Variants in LRP1B observed in about 807,000 individuals in gnomAD.
The protein encoded by LRP1B is low-density lipoprotein receptor-related protein 1B.
LRP1B carries 217 observed loss-of-function variants against 556.6 expected under a neutral mutation model. The observed-to-expected ratio is 0.39, with a 90% CI of 0.35 to 0.44. The LOEUF is 0.44. Among genes scored for constraint, LRP1B ranks in the 20% least tolerant of loss-of-function variants. The probability of loss-of-function intolerance (pLI) is 1.00; values close to 1 mark genes in which losing one functional copy is unlikely to be tolerated. For missense variants in LRP1B, 5,053 were observed against 5,620.8 expected (o/e 0.90, Z 3.23); for synonymous variants, 2,047 against 1,865.8 (o/e 1.10, Z -2.50).
intron 77 of LRP1B, among the ~76,000 whole-genome samples, chr2:140,344,907 A>G (rs1681574683): frequency 2.6e-5 from 4 of 151,864 alleles, no homozygotes; most frequent in African/African-American, 9.6e-5. Context: ...GAGGGGAAAA[A>G]AAGAAATGTT....
intron 84 of LRP1B, among the ~76,000 whole-genome samples, chr2:140,286,418 C>G (rs895193998): frequency 6.6e-6 from 1 of 151,742 alleles, no homozygotes; most frequent in African/African-American, 2.4e-5. Flanking sequence ...ATGAGAGAGC[C>G]CTTGGACATC....
intron 21 of LRP1B, among the ~76,000 whole-genome samples, chr2:140,914,402 T>C (rs1057487701): frequency 2.6e-5 from 4 of 152,146 alleles, no homozygotes; most frequent in African/African-American, 4.8e-5. Flanking sequence ...AATCTGAGCA[T>C]ACAGGGGATT....
At chr2:141,309,792 T>C (rs542785676) in intron 3 of LRP1B, among the ~76,000 whole-genome samples, 1 of 152,070 alleles carries the variant, frequency 6.6e-6, no homozygotes, top group Admixed American at 6.6e-5. Context: ...GGTATAACTA[T>C]GTAACAAACC....
chr2:141,960,581 T>C (rs1701376008), intron 1 of LRP1B, among the ~76,000 whole-genome samples: 1 of 151,904 alleles, frequency 6.6e-6, no homozygotes, highest in African/African-American at 2.4e-5. Flanking sequence ...ACCCATTATT[T>C]GCATCTTCTA....
chr2:141,363,105 C>A (rs1205617345), intron 3 of LRP1B, among the ~76,000 whole-genome samples: 13 of 152,118 alleles, frequency 8.5e-5, no homozygotes, highest in Admixed American at 7.2e-4. Context: ...AGAGTCATAA[C>A]CCAAAATGCT....
intron 3 of LRP1B, among the ~76,000 whole-genome samples, chr2:141,281,988 T>C (rs181822269): frequency 3.7e-4 from 57 of 152,244 alleles, no homozygotes; most frequent in Middle Eastern, 3.4e-3. Flanking sequence ...CCAACTCTGA[T>C]CTTGGTAAAT....
chr2:141,462,821 T>TTTTTG (rs5834829), intron 3 of LRP1B, among the ~76,000 whole-genome samples: 1 of 151,922 alleles, frequency 6.6e-6, no homozygotes. Flanking sequence ...CAATAAAATA[T>TTTTTG]TTTAATTGAA....
rs1263518081 is a variant in LRP1B, at chr2:140,950,466, A to T, written c.2969-64T>A. The stretch of plus-strand genomic sequence containing the variant: ...CCATGAAGAAATTTTTTCTTATGAA[A>T]TATCTAACTGGTTTCTGTTGTTGTT... On this transcript the variant is annotated intron_variant, in intron 19 of 90. Coordinates refer to ENST00000389484, the MANE Select transcript of LRP1B (RefSeq NM_018557.3). 26 of 1,316,976 alleles carry T rather than the reference A, an allele frequency of 2.0e-5. 1 individual carries two copies. The Admixed American group carries it at 5.3e-4, about 27-fold the overall frequency. The allele number at this position is 1,316,976 out of a possible 1,614,324, so 81.6% of individuals were successfully genotyped here.
chr2:140,818,525 C>T (rs1302998281), intron 31 of LRP1B, among the ~76,000 whole-genome samples: 1 of 152,264 alleles, frequency 6.6e-6, no homozygotes, highest in East Asian at 1.9e-4. Flanking sequence ...GTTTTGGAAA[C>T]ATTAAAACTT....
Position 141,657,663 on chromosome 2 carries a change from G to A in LRP1B, c.205+152616C>T, listed in dbSNP as rs114262418. Among the ~76,000 whole-genome samples the A allele has an allele frequency of 1.4e-3, 211 of 152,202 alleles. 1 individual carries two copies. The highest frequency in any genetic ancestry group is 4.9e-3 in the African/African-American group (203 of 41,540). On this transcript the variant is annotated intron_variant, in intron 2 of 90. Coordinates refer to ENST00000389484, the MANE Select transcript of LRP1B (RefSeq NM_018557.3). The stretch of plus-strand genomic sequence containing the variant: ...TTAAAGACATATCTGAGTCCAACTT[G>A]GATATCCTTGCAGGCTGTCCAACAG...
intron 2 of LRP1B, among the ~76,000 whole-genome samples, chr2:141,524,672 C>G (rs1253727709): frequency 6.6e-6 from 1 of 151,872 alleles, no homozygotes; most frequent in Admixed American, 6.6e-5. Flanking sequence ...ATTGGGCAGC[C>G]CTCATCTATG....
intron 12 of LRP1B, 151 bp from the exon 13 acceptor site, chr2:141,016,066 C>A (rs1697891332): frequency 3.1e-6 from 2 of 644,968 alleles, no homozygotes; most frequent in African/African-American, 1.8e-5. Context: ...GAGGGGGGAG[C>A]TGTGAAGTTT....
chr2:141,312,604 C>G (rs1341849261), intron 3 of LRP1B, among the ~76,000 whole-genome samples: 1 of 151,828 alleles, frequency 6.6e-6, no homozygotes, highest in Non-Finnish European at 1.5e-5. Context: ...TCTGTTATAG[C>G]AACAAAAAAT....
At chr2:141,718,351 A>T (rs986429954) in intron 2 of LRP1B, among the ~76,000 whole-genome samples, 5 of 152,120 alleles carry the variant, frequency 3.3e-5, no homozygotes, top group African/African-American at 1.2e-4. Flanking sequence ...TAGGTATAAG[A>T]TCCTCAATCT....
chr2:141,917,682 C>T (rs1700075331), intron 1 of LRP1B, among the ~76,000 whole-genome samples: 1 of 152,158 alleles, frequency 6.6e-6, no homozygotes, highest in Admixed American at 6.5e-5. Flanking sequence ...GTACATTAAC[C>T]ACTATCTACT....
intron 43 of LRP1B, 136 bp from the exon 44 acceptor site, chr2:140,542,107 T>G (rs1680158193): frequency 1.8e-6 from 1 of 554,580 alleles, no homozygotes; most frequent in South Asian, 4.0e-5. Context: ...AAAAATAAAA[T>G]TTTACTAAAT....
In LRP1B at chr2:141,733,364, T is replaced by C. The variant is rs532325276; in HGVS notation, c.205+76915A>G. On this transcript the variant is annotated intron_variant, in intron 2 of 90. Coordinates refer to ENST00000389484, the MANE Select transcript of LRP1B (RefSeq NM_018557.3). ...ATGCACCAATCCTGTAGACTTTCAT[T>C]ATGCATCACAAAACTATCACTCTGA... Among the ~76,000 whole-genome samples, 22 of 152,226 alleles carry C rather than the reference T, an allele frequency of 1.4e-4. No individual in the cohort carries two copies. The South Asian group carries it at 4.6e-3, about 32-fold the overall frequency.
At chr2:141,464,024 C>T (rs1164165526) in intron 3 of LRP1B, among the ~76,000 whole-genome samples, 1 of 151,786 alleles carries the variant, frequency 6.6e-6, no homozygotes, top group Non-Finnish European at 1.5e-5. Flanking sequence ...GTTCCAGGCT[C>T]CTAAAAGATA....
intron 1 of LRP1B, among the ~76,000 whole-genome samples, chr2:141,883,783 T>C (rs1264985810): frequency 2.6e-5 from 4 of 152,012 alleles, no homozygotes; most frequent in Admixed American, 2.0e-4. Context: ...ACAAAAAGAT[T>C]GAATTATTTT....
Sources: allele counts gnomAD v4.1 joint callset (sites outside exome capture counted in the v4.1 genomes callset), GRCh38; gene constraint gnomAD v4.1.1; transcripts MANE v1.5; gene names NCBI Gene and HGNC (gene_info 2026-07-23, HGNC 2026-07-21).